PTCH2: variants seen among roughly 807,000 people sequenced by gnomAD.
PTCH2 encodes protein patched homolog 2.
In PTCH2, 96 loss-of-function variants were observed where a neutral mutation model predicts 117.9. The ratio of observed to expected loss-of-function variants is 0.81; its 90% confidence interval spans 0.69 to 0.96. The LOEUF (loss-of-function observed/expected upper bound fraction) is 0.96, where lower values mean the gene tolerates loss of function less well. Ranked by LOEUF, PTCH2 falls within the 50% of genes least tolerant of loss-of-function variation. The pLI is 0.00. For missense variants in PTCH2, 1,379 were observed against 1,562.5 expected (o/e 0.88, Z 1.98); for synonymous variants, 615 against 660.9 (o/e 0.93, Z 1.06).
chr1:44,821,311 C>G (rs1652902905), downstream of PTCH2, among the ~76,000 whole-genome samples: 1 of 152,226 alleles, frequency 6.6e-6, no homozygotes, highest in African/African-American at 2.4e-5. Context: ...TGTGTCCTCA[C>G]TAACTGCTAG....
At chr1:44,840,626 G>A (rs189095204) in intron 2 of PTCH2, among the ~76,000 whole-genome samples, 6 of 150,854 alleles carry the variant, frequency 4.0e-5, no homozygotes, top group Admixed American at 1.3e-4. Flanking sequence ...CAGGAGAATC[G>A]TTTGAACCTG....
At chr1:44,838,267 T>A (rs1334249533) in intron 2 of PTCH2, among the ~76,000 whole-genome samples, 9 of 152,146 alleles carry the variant, frequency 5.9e-5, no homozygotes, top group Admixed American at 5.9e-4. Flanking sequence ...CTACATGGAA[T>A]GGCAGCTCTT....
intron 2 of PTCH2, among the ~76,000 whole-genome samples, chr1:44,834,188 C>T (rs566166526): frequency 6.7e-5 from 10 of 149,606 alleles, no homozygotes; most frequent in South Asian, 2.1e-4. Context: ...GGTGCAATCT[C>T]GGCTCACTGC....
intron 1 of PTCH2, among the ~76,000 whole-genome samples, chr1:44,842,643 G>A (rs1198642265): frequency 6.6e-6 from 1 of 152,188 alleles, no homozygotes; most frequent in South Asian, 2.1e-4. Context: ...TGGACACAGA[G>A]GTGAACCCAC....
chr1:44,840,836 C>A (rs368939312), intron 2 of PTCH2, among the ~76,000 whole-genome samples: 12 of 151,798 alleles, frequency 7.9e-5, no homozygotes, highest in African/African-American at 2.9e-4. Flanking sequence ...GGAGGTTGCA[C>A]TGAGCTGAGA....
chr1:44,831,847 G>T lies in PTCH2; in HGVS notation c.526-50C>A. On this transcript the variant is annotated intron_variant, in intron 4 of 21. Coordinates refer to ENST00000372192, the MANE Select transcript of PTCH2 (RefSeq NM_003738.5). The surrounding 1 kb of genome is among the most constrained non-coding windows in gnomAD (Gnocchi z 4.3). The stretch of plus-strand genomic sequence containing the variant: ...TCAGTCCTGCCCCACAACCTTTGTA[G>T]GATGCCCTCTGCAATCCCCCTCCTT... The T allele has an allele frequency of 6.3e-7, 1 of 1,595,758 alleles. No individual in the cohort carries two copies. Among genetic ancestry groups the T allele is most frequent in the South Asian group, 1.1e-5 (1 of 90,676 alleles).
Position 44,823,223 on chromosome 1 carries a change from C to G in PTCH2, c.3257+20G>C. On this transcript the variant is annotated intron_variant, in intron 20 of 21. Transcript: ENST00000372192. This position sits in a 1 kb window ranked among gnomAD's most constrained non-coding sequence, Gnocchi z 5.1. ...CAGGCCTGTCCTGAGCCCTGCCTCC[C>G]TGCCCCGAGCCCTCCCTACCTTACA... The G allele has an allele frequency of 6.2e-7, 1 of 1,614,220 alleles. No homozygotes were observed.
chr1:44,823,463 C>T lies in PTCH2; in HGVS notation c.3115-78G>A, dbSNP rs887747181. The T allele has an allele frequency of 6.2e-7, 1 of 1,600,272 alleles. No homozygotes were observed. The highest frequency in any genetic ancestry group is 1.3e-5 in the African/African-American group (1 of 74,794). The stretch of plus-strand genomic sequence containing the variant: ...CAGCCATGTCCCGAGCTGTATCTGT[C>T]TTCAGAGCTCAACGATACCTTGGCC... On this transcript the variant is annotated intron_variant, in intron 19 of 21. Coordinates refer to ENST00000372192, the MANE Select transcript of PTCH2 (RefSeq NM_003738.5). This position sits in a 1 kb window ranked among gnomAD's most constrained non-coding sequence, Gnocchi z 5.1.
At chr1:44,833,590 C>T (rs993438684) in intron 2 of PTCH2, among the ~76,000 whole-genome samples, 1 of 151,854 alleles carries the variant, frequency 6.6e-6, no homozygotes, top group Non-Finnish European at 1.5e-5. Context: ...GCACCCGCCA[C>T]CAGGCCTGGC....
At chr1:44,841,741 C>T in intron 2 of PTCH2, 106 bp downstream of exon 2, 3 of 1,299,342 alleles carry the variant, frequency 2.3e-6, no homozygotes, top group Admixed American at 1.8e-5. Context: ...AGGTGACCCT[C>T]CAGCCCCAGG....
Position 44,841,999 on chromosome 1 carries a change from G to A in PTCH2, c.113C>T (p.Ala38Val). 6.2e-7 allele frequency: 1 copy of A among 1,614,186 alleles called. No individual in the cohort carries two copies. The highest frequency in any genetic ancestry group is 1.1e-5 in the South Asian group (1 of 91,090). The change falls in exon 2 of 22, where the codon GCT becomes GTT. Residue 38 changes from alanine to valine, a missense_variant. By Grantham distance (64) the Ala-to-Val change is moderately conservative. Coordinates refer to ENST00000372192, the MANE Select transcript of PTCH2 (RefSeq NM_003738.5). ...AGAGAAGAGCAGGCCCTGGAAGTAA[G>A]CACGAAGCCAGAGTGGAGCCTTCAG... ...GSLKAPLWLR[A>V]YFQGLLFSLG...
chr1:44,835,388 T>A (rs1176919441), intron 2 of PTCH2, among the ~76,000 whole-genome samples: 3 of 152,208 alleles, frequency 2.0e-5, no homozygotes, highest in Non-Finnish European at 4.4e-5. Context: ...CGGGAAAATA[T>A]AACTGGTTAA....
intron 2 of PTCH2, among the ~76,000 whole-genome samples, chr1:44,836,252 T>A (rs1653680842): frequency 6.6e-6 from 1 of 152,186 alleles, no homozygotes. Flanking sequence ...GCTACATAGT[T>A]CTTGCCAAAG....
At chr1:44,828,759 A>AT (rs1184941080) in intron 11 of PTCH2, 128 bp from the exon 12 acceptor site, 1 of 1,365,942 alleles carries the variant, frequency 7.3e-7, no homozygotes, top group Non-Finnish European at 1.0e-6. Context: ...GCTAGCATTT[A>AT]TTGGGTACCA....
intron 1 of PTCH2, 108 bp downstream of exon 1, chr1:44,842,753 C>A: frequency 8.6e-7 from 1 of 1,158,162 alleles, no homozygotes; most frequent in South Asian, 1.4e-5. Flanking sequence ...CACTTGCCTT[C>A]AGACATCTAA....
chr1:44,825,465 A>G (rs1025895731), intron 19 of PTCH2, among the ~76,000 whole-genome samples: 1 of 152,202 alleles, frequency 6.6e-6, no homozygotes, highest in Non-Finnish European at 1.5e-5. Flanking sequence ...TCCCTAGAAT[A>G]TAAGTTCCTT....
intron 6 of PTCH2, 87 bp from the exon 7 acceptor site, chr1:44,830,117 T>TG: frequency 6.4e-7 from 1 of 1,554,586 alleles, no homozygotes; most frequent in Non-Finnish European, 8.8e-7. Context: ...GGAACCACGC[T>TG]GCCATGAAGC....
chr1:44,838,845 G>C lies in PTCH2; in HGVS notation c.265+3002C>G, dbSNP rs577558869. On this transcript the variant is annotated intron_variant, in intron 2 of 21. Coordinates refer to ENST00000372192, the MANE Select transcript of PTCH2 (RefSeq NM_003738.5). ...AGCGATTCTCCTGCCTCAGCCTCTG[G>C]AGTAGCTGGGACTACAGGCGCGAAC... Among the ~76,000 whole-genome samples the C allele has an allele frequency of 3.9e-5, 6 of 151,990 alleles. No individual in the cohort carries two copies. The South Asian group carries it at 1.2e-3, about 32-fold the overall frequency.
rs759721177 is a variant in PTCH2, at chr1:44,829,598, C to A, written c.1083+16G>T. Reference sequence around the variant, plus strand: ...AATGGCCTCAGGGCACCCCCCTTGTCCTTGTCCATACCGACCTGCACAAAG... The same window carrying A: ...AATGGCCTCAGGGCACCCCCCTTGTACTTGTCCATACCGACCTGCACAAAG... On this transcript the variant is annotated intron_variant, in intron 8 of 21. Transcript: ENST00000372192. 6.2e-7 allele frequency: 1 copy of A among 1,614,212 alleles called. No homozygotes were observed. Among genetic ancestry groups the A allele is most frequent in the South Asian group, 1.1e-5 (1 of 91,090 alleles).
Sources: allele counts gnomAD v4.1 joint callset (sites outside exome capture counted in the v4.1 genomes callset), GRCh38; gene constraint gnomAD v4.1.1; non-coding constraint Gnocchi (gnomAD v3.1); transcripts MANE v1.5; gene names NCBI Gene and HGNC (gene_info 2026-07-23, HGNC 2026-07-21).